The following PCNX4 variants were observed in gnomAD, a reference collection of about 807,000 sequenced individuals.
PCNX4 encodes pecanex-like protein 4.
A neutral mutation model predicts 107.2 loss-of-function variants in PCNX4; 103 were observed. The observed-to-expected ratio is 0.96, with a 90% CI of 0.82 to 1.13. The LOEUF is 1.13. PCNX4 is among the 50% of genes most tolerant of loss of function. The pLI is 0.00. For missense variants in PCNX4, 1,528 were observed against 1,379.4 expected (o/e 1.11, Z -1.71); for synonymous variants, 541 against 481.7 (o/e 1.12, Z -1.61).
At chr14:60,126,074 T>C (rs1275268311) in intron 10 of PCNX4, 1 of 271,216 alleles carries the variant, frequency 3.7e-6, no homozygotes, top group Admixed American at 5.2e-5. Context: ...ATGCCTGACC[T>C]ATAAGAGAGC....
At chr14:60,104,318 CAAAAAAAAAAAAA>C (rs200434027) in intron 1 of PCNX4, among the ~76,000 whole-genome samples, 6 of 129,556 alleles carry the variant, frequency 4.6e-5, no homozygotes, top group Non-Finnish European at 9.3e-5. Flanking sequence ...GACTCCATCT[CAAAAAAAAAAAAA>C]AAAAAAAAAA....
At chr14:60,115,504 C>T (rs973297568) in intron 4 of PCNX4, 43 bp downstream of exon 4, 11 of 1,495,896 alleles carry the variant, frequency 7.4e-6, no homozygotes, top group African/African-American at 1.4e-5. Flanking sequence ...CAAATCATAT[C>T]CTGGAAGTAT....
At chr14:60,109,944 C>T (rs1006137292) in intron 2 of PCNX4, 3 of 167,116 alleles carry the variant, frequency 1.8e-5, no homozygotes, top group African/African-American at 7.2e-5. Context: ...GAGCAGTTGG[C>T]TTCTCCTGTT....
At position 60,115,024 on chromosome 14, in the gene PCNX4, T is replaced by G. The variant is rs759096635; in HGVS notation, c.920T>G (p.Phe307Cys). 6.2e-7 allele frequency: 1 copy of G among 1,613,096 alleles called. No individual in the cohort carries two copies. The highest frequency in any genetic ancestry group is 1.1e-5 in the South Asian group (1 of 91,070). The change falls in exon 4 of 11, where the codon TTC becomes TGC. Residue 307 changes from phenylalanine (F) to cysteine (C), a missense_variant. Physicochemically the swap from Phe to Cys is radical, Grantham distance 205. Coordinates refer to ENST00000406854, the MANE Select transcript of PCNX4 (RefSeq NM_001330177.2). Reference protein sequence around the residue: ...MSAGTAIASYFIPSTVGVVLF... With the variant: ...MSAGTAIASYCIPSTVGVVLF... ...GCTGGAACAGCTATAGCATCATATT[T>G]CATTCCAAGCACTGTTGGTGTGGTT...
chr14:60,117,671 A>G (rs759750481), intron 6 of PCNX4, among the ~76,000 whole-genome samples: 9 of 152,284 alleles, frequency 5.9e-5, no homozygotes, highest in Middle Eastern at 3.4e-3. Flanking sequence ...CACGCCTTTA[A>G]TCCCAGCACT....
Position 60,107,951 on chromosome 14 carries a change from C to T in PCNX4, c.313C>T (p.Leu105=). Residue 105 remains leucine (L), a synonymous_variant, in exon 2 of 11, where the codon CTA becomes TTA. Coordinates refer to ENST00000406854, the MANE Select transcript of PCNX4 (RefSeq NM_001330177.2). ...CAAATCAACAACAGTAGAAAGAATA[C>T]TAACCACGGATATCTTAGCAGAGGA... ...KNKSTTVERI[L]TTDILAEEDE... 6.2e-7 allele frequency: 1 copy of T among 1,612,834 alleles called. No individual in the cohort carries two copies. Among genetic ancestry groups the T allele is most frequent in the Non-Finnish European group, 8.5e-7 (1 of 1,179,870 alleles).
intron 10 of PCNX4, among the ~76,000 whole-genome samples, chr14:60,130,815 C>T (rs562106075): frequency 4.8e-4 from 72 of 151,198 alleles, no homozygotes; most frequent in African/African-American, 1.6e-3. Flanking sequence ...TTAAGGTTAA[C>T]ATAAGGCTGG....
chr14:60,116,539 G>A (rs576999649), intron 6 of PCNX4, among the ~76,000 whole-genome samples: 4 of 152,252 alleles, frequency 2.6e-5, no homozygotes, highest in South Asian at 4.1e-4. Context: ...CATTACTCAC[G>A]TGTTTGTGGT....
chr14:60,105,950 T>TA (rs1254158085), intron 1 of PCNX4, among the ~76,000 whole-genome samples: 1 of 152,200 alleles, frequency 6.6e-6, no homozygotes, highest in African/African-American at 2.4e-5. Flanking sequence ...CTTCCATAGA[T>TA]AACTTGTGTC....
chr14:60,131,618 A>G lies in PCNX4; in HGVS notation c.3268-2352A>G, dbSNP rs150729531. ...TCAAAATAATATTGTTAAGATGGCAATACTCTCCAAATATATCTACAGATT... is the reference window on the plus strand; with the variant it reads ...TCAAAATAATATTGTTAAGATGGCAGTACTCTCCAAATATATCTACAGATT... On this transcript the variant is annotated intron_variant, in intron 10 of 10. Coordinates refer to ENST00000406854, the MANE Select transcript of PCNX4 (RefSeq NM_001330177.2). Among the ~76,000 whole-genome samples, 166 of 152,362 alleles carry G rather than the reference A, an allele frequency of 1.1e-3. 4 individuals are homozygous for G. The East Asian group carries it at 0.022, about 20-fold the overall frequency.
chr14:60,107,998 T>C lies in PCNX4; in HGVS notation c.360T>C (p.Ser120=). The change falls in exon 2 of 11, where the codon AGT becomes AGC. Residue 120 remains serine, a synonymous_variant. Coordinates refer to ENST00000406854, the MANE Select transcript of PCNX4 (RefSeq NM_001330177.2). Reference sequence around the variant, plus strand: ...AGGAGGATGAGCATGAATTTACCAGTTGTACTGGTGCTGAGACTGTCAAAT... The same window carrying C: ...AGGAGGATGAGCATGAATTTACCAGCTGTACTGGTGCTGAGACTGTCAAAT... ...LAEEDEHEFT[S]CTGAETVKFL... 2 of 1,612,860 alleles carry C rather than the reference T, an allele frequency of 1.2e-6. No homozygotes were observed. Among genetic ancestry groups the C allele is most frequent in the Non-Finnish European group, 1.7e-6 (2 of 1,179,866 alleles).
chr14:60,134,788 TA>T lies in PCNX4; in HGVS notation c.*571del, dbSNP rs1373147622. 2 of 152,378 alleles carry T rather than the reference TA, an allele frequency of 1.3e-5. No homozygotes were observed. The highest frequency in any genetic ancestry group is 4.8e-5 in the African/African-American group (2 of 41,476). 9.4% of individuals were successfully genotyped at this position (152,378 alleles called of 1,614,324 possible). A position where few individuals can be genotyped will look rare whatever the true frequency, so the allele number is the denominator to read the frequency against. Reference sequence around the variant, plus strand: ...TTCATAAACTTTAAAAAACTTTTAATAAAATATTTTCCTTCCTTTTCAAATA... The same window carrying T: ...TTCATAAACTTTAAAAAACTTTTAATAAATATTTTCCTTCCTTTTCAAATA... On this transcript the variant is annotated 3_prime_UTR_variant, in exon 11 of 11. Transcript: ENST00000406854.
chr14:60,095,847 A>G (rs1895413798), intron 1 of PCNX4, among the ~76,000 whole-genome samples: 2 of 152,094 alleles, frequency 1.3e-5, no homozygotes, highest in Admixed American at 6.5e-5. Flanking sequence ...AAAAAAAGAA[A>G]AAATATATAG....
Position 60,114,986 on chromosome 14 carries a change from G to A in PCNX4, c.882G>A (p.Met294Ile). ...TTTTTCTGTACAGGTTATTAGTAAT[G>A]TTCATCATGTCTGCTGGAACAGCTA... ...SMSTHLRLLV[M>I]FIMSAGTAIA... Residue 294 changes from methionine to isoleucine, a missense_variant, in exon 4 of 11, where the codon ATG becomes ATA. Met to Ile is a conservative substitution (Grantham distance 10). Transcript: ENST00000406854. 6.3e-7 allele frequency: 1 copy of A among 1,596,966 alleles called. No homozygotes were observed. The highest frequency in any genetic ancestry group is 8.5e-7 in the Non-Finnish European group (1 of 1,170,836).
In PCNX4 at chr14:60,094,741, T is replaced by C. The variant is rs1895387941; in HGVS notation, c.-54+2322T>C. On this transcript the variant is annotated intron_variant, in intron 1 of 10. Transcript: ENST00000406854. Reference sequence around the variant, plus strand: ...CCCCCACCTCTGCAGGTTTTTGCAATATACTTGTGTTGCTGTAGAGCCCCC... The same window carrying C: ...CCCCCACCTCTGCAGGTTTTTGCAACATACTTGTGTTGCTGTAGAGCCCCC... 8.1e-5 allele frequency among the ~76,000 whole-genome samples: 12 copies of C among 148,102 alleles called. 1 individual carries two copies. In the South Asian group the frequency reaches 2.7e-3, roughly 33 times the overall value.
rs558134545 is a variant in PCNX4 at position 60,098,925 on chromosome 14, C to T, written c.-54+6506C>T. Among the ~76,000 whole-genome samples the T allele has an allele frequency of 1.7e-4, 25 of 149,652 alleles. No homozygotes were observed. The East Asian group carries it at 4.3e-3, about 26-fold the overall frequency. On this transcript the variant is annotated intron_variant, in intron 1 of 10. Coordinates refer to ENST00000406854, the MANE Select transcript of PCNX4 (RefSeq NM_001330177.2). ...TGTACTCCAGCCTGGGCAACAACAG[C>T]GAAACTCCGTCTCAAAAAGAAAAAA...
chr14:60,125,202 T>C lies in PCNX4; in HGVS notation c.3031T>C (p.Trp1011Arg). ...GVLPWSVALD[W>R]LTEKPELFQL... The stretch of plus-strand genomic sequence containing the variant: ...TTTGCCTTGGTCTGTTGCTTTGGAC[T>C]GGCTCACAGAAAAGCCAGAACTGTT... The change falls in exon 9 of 11, where the codon TGG becomes CGG. Residue 1011 changes from tryptophan (W) to arginine (R), a missense_variant. Trp to Arg is a moderately radical substitution (Grantham distance 101). Coordinates refer to ENST00000406854, the MANE Select transcript of PCNX4 (RefSeq NM_001330177.2). 1.9e-6 allele frequency: 3 copies of C among 1,606,102 alleles called. No homozygotes were observed. Among genetic ancestry groups the C allele is most frequent in the Non-Finnish European group, 2.5e-6 (3 of 1,177,064 alleles).
At chr14:60,132,836 G>A (rs1464325230) in intron 10 of PCNX4, among the ~76,000 whole-genome samples, 2 of 152,106 alleles carry the variant, frequency 1.3e-5, no homozygotes, top group Non-Finnish European at 2.9e-5. Flanking sequence ...TTGCCAATAA[G>A]TACATGAGAA....
chr14:60,109,314 C>G (rs1566932270), intron 2 of PCNX4: 1 of 167,074 alleles, frequency 6.0e-6, no homozygotes, highest in Non-Finnish European at 1.5e-5. Context: ...TTTATGGCAG[C>G]CCATGCTGAT....
Sources: allele counts gnomAD v4.1 joint callset (sites outside exome capture counted in the v4.1 genomes callset), GRCh38; gene constraint gnomAD v4.1.1; transcripts MANE v1.5; gene names NCBI Gene and HGNC (gene_info 2026-07-23, HGNC 2026-07-21).